Variants in CTNNA3 observed in about 807,000 individuals in gnomAD.
CTNNA3 encodes the protein catenin alpha 3, also known as catenin alpha-3.
In CTNNA3, 76 loss-of-function variants were observed where a neutral mutation model predicts 95.7. That is an observed-to-expected ratio of 0.79 (90% CI 0.66 to 0.96). The LOEUF (loss-of-function observed/expected upper bound fraction) is 0.96, where lower values mean the gene tolerates loss of function less well. Ranked by LOEUF, CTNNA3 falls within the 40% of genes least tolerant of loss-of-function variation. The pLI is 0.00. For synonymous variants in CTNNA3, 431 were observed against 374.4 expected, an observed-to-expected ratio of 1.15 and a Z score of -1.74; for missense variants, 1,191 against 1,089.8, an observed-to-expected ratio of 1.09 and a Z score of -1.31.
chr10:66,515,325 CTCTG>C (rs1210515181), intron 11 of CTNNA3, among the ~76,000 whole-genome samples: 1 of 139,042 alleles, frequency 7.2e-6, no homozygotes, highest in Non-Finnish European at 1.6e-5. Flanking sequence ...GTCTCTCCCT[CTCTG>C]TCTCTCTCTC....
At chr10:66,624,753 T>C (rs1844874216) in intron 9 of CTNNA3, among the ~76,000 whole-genome samples, 2 of 152,136 alleles carry the variant, frequency 1.3e-5, no homozygotes, top group Non-Finnish European at 2.9e-5. Context: ...AATCTTATAT[T>C]GTATAAATAA....
intron 12 of CTNNA3, among the ~76,000 whole-genome samples, chr10:66,299,138 C>G (rs2091825382): frequency 6.6e-6 from 1 of 152,160 alleles, no homozygotes; most frequent in Non-Finnish European, 1.5e-5. Context: ...CTAGACGGAA[C>G]CAATGTTCAT....
chr10:66,640,030 CTTA>C (rs1227410601), intron 9 of CTNNA3, among the ~76,000 whole-genome samples: 1 of 152,056 alleles, frequency 6.6e-6, no homozygotes, highest in Middle Eastern at 3.2e-3. Context: ...GTTCAGAAAT[CTTA>C]TTATTTCAAA....
At chr10:66,016,748 C>T (rs922234216) in intron 15 of CTNNA3, among the ~76,000 whole-genome samples, 1 of 152,002 alleles carries the variant, frequency 6.6e-6, no homozygotes, top group Non-Finnish European at 1.5e-5. Context: ...AAGAGATGTG[C>T]TTCTATTCTC....
intron 14 of CTNNA3, among the ~76,000 whole-genome samples, chr10:66,092,270 C>T (rs1022686322): frequency 6.6e-6 from 1 of 151,986 alleles, no homozygotes; most frequent in Non-Finnish European, 1.5e-5. Flanking sequence ...TTTTAACTTT[C>T]TGCTTCTTCC....
chr10:66,522,755 T>C (rs1841111205), intron 10 of CTNNA3, among the ~76,000 whole-genome samples: 1 of 139,524 alleles, frequency 7.2e-6, no homozygotes, highest in Non-Finnish European at 1.6e-5. Context: ...CCCGTCAAAC[T>C]AGATCCTGTC....
intron 5 of CTNNA3, among the ~76,000 whole-genome samples, chr10:67,480,789 A>G (rs578081576): frequency 6.6e-6 from 1 of 152,116 alleles, no homozygotes; most frequent in East Asian, 1.9e-4. Context: ...TTTGTACTCT[A>G]TTTCTGTGTC....
chr10:66,171,283 C>G (rs575122868), intron 13 of CTNNA3, among the ~76,000 whole-genome samples: 39 of 147,930 alleles, frequency 2.6e-4, no homozygotes, highest in African/African-American at 9.3e-4. Flanking sequence ...AAAAAAAAAT[C>G]CTAACTTTGG....
chr10:66,432,699 G>C (rs146823556), intron 11 of CTNNA3, among the ~76,000 whole-genome samples: 5 of 150,614 alleles, frequency 3.3e-5, no homozygotes, highest in Admixed American at 2.0e-4. Context: ...TACATGTGCA[G>C]AACATGCAGC....
At chr10:66,897,210 C>T (rs1364499088) in intron 7 of CTNNA3, among the ~76,000 whole-genome samples, 1 of 151,850 alleles carries the variant, frequency 6.6e-6, no homozygotes, top group Non-Finnish European at 1.5e-5. Context: ...AGTGTTTAAG[C>T]ATATACAGTA....
chr10:67,699,270 T>A (rs1431687087), upstream of CTNNA3, among the ~76,000 whole-genome samples: 1 of 151,888 alleles, frequency 6.6e-6, no homozygotes, highest in Non-Finnish European at 1.5e-5. Context: ...TCTCTGTGCC[T>A]TCATCATAAT....
upstream of CTNNA3, among the ~76,000 whole-genome samples, chr10:67,700,531 T>C (rs756110637): frequency 2.0e-5 from 3 of 152,216 alleles, no homozygotes; most frequent in African/African-American, 4.8e-5. Flanking sequence ...GGAGTGGACC[T>C]CTAGCAAACT....
At chr10:67,123,742 C>G (rs1200319604) in intron 7 of CTNNA3, among the ~76,000 whole-genome samples, 1 of 152,104 alleles carries the variant, frequency 6.6e-6, no homozygotes, top group Non-Finnish European at 1.5e-5. Flanking sequence ...TCTTCAATGT[C>G]AAAGAAAGAA....
At chr10:66,604,592 A>C (rs1340661184) in intron 10 of CTNNA3, among the ~76,000 whole-genome samples, 2 of 152,046 alleles carry the variant, frequency 1.3e-5, no homozygotes, top group Admixed American at 1.3e-4. Flanking sequence ...TCGGCCCCCT[A>C]GTGTAGCAGA....
chr10:65,961,493 G>A (rs1564542540), intron 17 of CTNNA3, among the ~76,000 whole-genome samples: 2 of 152,028 alleles, frequency 1.3e-5, no homozygotes, highest in Non-Finnish European at 2.9e-5. Flanking sequence ...AATATTCAAG[G>A]ACTTTATAGT....
intron 3 of CTNNA3, among the ~76,000 whole-genome samples, chr10:67,588,798 G>A (rs1283718345): frequency 6.6e-6 from 1 of 151,564 alleles, no homozygotes; most frequent in African/African-American, 2.4e-5. Context: ...TAGATTTTTA[G>A]AAATCTAACA....
intron 7 of CTNNA3, among the ~76,000 whole-genome samples, chr10:66,797,943 T>C (rs931024516): frequency 2.0e-5 from 3 of 151,934 alleles, no homozygotes; most frequent in African/African-American, 7.2e-5. Flanking sequence ...CTAAAGCCCT[T>C]GTAAATTATT....
chr10:66,185,208 GTAAA>G (rs1194311256), intron 13 of CTNNA3, among the ~76,000 whole-genome samples: 4 of 152,016 alleles, frequency 2.6e-5, no homozygotes, highest in African/African-American at 9.7e-5. Context: ...AACAATTTCG[GTAAA>G]TAAATAGAGA....
chr10:66,113,241 A>G (rs1472643650), intron 13 of CTNNA3, among the ~76,000 whole-genome samples: 1 of 151,936 alleles, frequency 6.6e-6, no homozygotes, highest in Non-Finnish European at 1.5e-5. Flanking sequence ...GCTCTAAGTT[A>G]TACTAAGCTT....
Sources: gnomAD v4.1 joint callset for allele counts (sites outside exome capture counted in the v4.1 genomes callset) on GRCh38, gnomAD v4.1.1 for gene constraint, MANE v1.5 for transcripts, NCBI Gene and HGNC (gene_info 2026-07-23, HGNC 2026-07-21) for gene names.